Variants in POLI observed in about 807,000 individuals in gnomAD.
The protein encoded by POLI is DNA polymerase iota, also known as RAD30 homolog B.
POLI carries 58 observed loss-of-function variants against 51.6 expected under a neutral mutation model. That is an observed-to-expected ratio of 1.12 (90% confidence interval 0.91 to 1.40). POLI has a LOEUF of 1.40. Ranked by LOEUF, POLI falls within the 40% of genes most tolerant of loss-of-function variation. POLI has a pLI of 0.00. For synonymous variants in POLI, 322 were observed against 299.7 expected (o/e 1.07, Z -0.77); for missense variants, 921 against 871.3 (o/e 1.06, Z -0.72).
intron 3 of POLI, among the ~76,000 whole-genome samples, chr18:54,310,866 G>T (rs921421510): frequency 6.6e-6 from 1 of 152,022 alleles, no homozygotes; most frequent in African/African-American, 2.4e-5. Context: ...TGAGTTCTAG[G>T]TTTGGCCGCC....
chr18:54,312,679 A>AT (rs1377889794), intron 3 of POLI, among the ~76,000 whole-genome samples: 3 of 151,990 alleles, frequency 2.0e-5, no homozygotes, highest in Non-Finnish European at 4.4e-5. Context: ...TTTCATTGTG[A>AT]TTTTGGATTG....
chr18:54,278,197 C>A (rs1285605306), intron 4 of POLI, among the ~76,000 whole-genome samples: 1 of 152,086 alleles, frequency 6.6e-6, no homozygotes, highest in Non-Finnish European at 1.5e-5. Context: ...CACAGTGGAG[C>A]GCCCCTGTAG....
rs1248444313 is a variant in POLI at position 54,295,530 on chromosome 18, A to G, written c.*1063A>G. The G allele has an allele frequency of 1.1e-6, 1 of 884,346 alleles. No individual in the cohort carries two copies. Among genetic ancestry groups the G allele is most frequent in the Admixed American group, 6.2e-5 (1 of 16,142 alleles). 54.8% of individuals were successfully genotyped at this position (884,346 alleles called of 1,614,324 possible). A position where few individuals can be genotyped will look rare whatever the true frequency, so the allele number is the denominator to read the frequency against. ...CTGGTCTCAAGTTTATAATTTTTGC[A>G]CATATAATCTAAAGAAGAGACTTTA... On this transcript the variant is annotated 3_prime_UTR_variant, in exon 10 of 10. Transcript: ENST00000579534.
At chr18:54,315,114 C>G (rs1568161715) in intron 3 of POLI, among the ~76,000 whole-genome samples, 1 of 152,084 alleles carries the variant, frequency 6.6e-6, no homozygotes, top group African/African-American at 2.4e-5. Flanking sequence ...ATAAACTTTA[C>G]TCTTATGACA....
At chr18:54,316,648 G>A (rs926522258) in intron 3 of POLI, among the ~76,000 whole-genome samples, 1 of 152,146 alleles carries the variant, frequency 6.6e-6, no homozygotes, top group African/African-American at 2.4e-5. Flanking sequence ...CAAATATGTG[G>A]TATTTAGGCT....
intron 8 of POLI, chr18:54,287,624 G>A (rs1390945089): frequency 2.2e-5 from 8 of 369,152 alleles, no homozygotes; most frequent in African/African-American, 4.2e-5. Context: ...TCTGCACCAA[G>A]GCTGAAGTGC....
chr18:54,298,865 T>C (rs1425931046), downstream of POLI, among the ~76,000 whole-genome samples: 1 of 151,980 alleles, frequency 6.6e-6, no homozygotes, highest in Non-Finnish European at 1.5e-5. Flanking sequence ...GAGATACAGG[T>C]GTGAGTCACC....
chr18:54,305,723 C>T (rs989955284), intron 3 of POLI, among the ~76,000 whole-genome samples: 2 of 151,308 alleles, frequency 1.3e-5, no homozygotes, highest in Admixed American at 6.6e-5. Flanking sequence ...AATTTGACTT[C>T]CTCTTTTCCT....
chr18:54,317,199 G>T (rs1480623693), intron 3 of POLI, among the ~76,000 whole-genome samples: 2 of 152,186 alleles, frequency 1.3e-5, no homozygotes, highest in East Asian at 3.8e-4. Context: ...AGGCTAGGCT[G>T]CTAGTGGATG....
At chr18:54,274,894 TAACAGGAAAAATA>T (rs575834055) in intron 3 of POLI, 1 of 152,182 alleles carries the variant, frequency 6.6e-6, no homozygotes, top group African/African-American at 2.4e-5. Context: ...TCTTAGAAAT[TAACAGGAAAAATA>T]AACCTAATAA....
At chr18:54,319,085 A>T (rs2144655211) in intron 3 of POLI, among the ~76,000 whole-genome samples, 1 of 152,220 alleles carries the variant, frequency 6.6e-6, no homozygotes, top group East Asian at 1.9e-4. Context: ...GAACATTGGG[A>T]CAATGCCACC....
At chr18:54,289,894 A>G (rs1175745340) in intron 8 of POLI, among the ~76,000 whole-genome samples, 3 of 152,192 alleles carry the variant, frequency 2.0e-5, no homozygotes, top group Non-Finnish European at 2.9e-5. Flanking sequence ...AACCTAGGCA[A>G]TAGCATTTAG....
chr18:54,297,107 T>C lies in POLI; in HGVS notation c.*2640T>C, dbSNP rs1378626057. ...GTGGATCCTGATTGAATGCCTTGTC[T>C]TAAGTGTAAGCTCCCTGACCCTTAC... On this transcript the variant is annotated 3_prime_UTR_variant, in exon 10 of 10. Coordinates refer to ENST00000579534, the MANE Select transcript of POLI (RefSeq NM_007195.3). The C allele has an allele frequency of 1.0e-6, 1 of 985,276 alleles. No homozygotes were observed. Among genetic ancestry groups the C allele is most frequent in the African/African-American group, 1.7e-5 (1 of 57,232 alleles). The allele number at this position is 985,276 out of a possible 1,614,324, so 61.0% of individuals were successfully genotyped here.
chr18:54,269,940 G>A (rs1883695539), intron 1 of POLI: 2 of 1,187,984 alleles, frequency 1.7e-6, no homozygotes, highest in Admixed American at 4.6e-5. Context: ...AGGTGGGGCG[G>A]GAATCCCTCA....
intron 3 of POLI, among the ~76,000 whole-genome samples, chr18:54,306,753 C>T (rs925159262): frequency 5.3e-5 from 8 of 152,078 alleles, no homozygotes; most frequent in African/African-American, 1.4e-4. Flanking sequence ...AATTTCAGAG[C>T]CTGTTATTGG....
chr18:54,272,322 A>G (rs1184108185), intron 2 of POLI: 6 of 152,192 alleles, frequency 3.9e-5, no homozygotes, highest in Non-Finnish European at 8.8e-5. Flanking sequence ...TCCTGAAGGC[A>G]TTTCTGAGTA....
downstream of POLI, among the ~76,000 whole-genome samples, chr18:54,302,205 A>ATGTC (rs543899158): frequency 6.6e-6 from 1 of 152,146 alleles, no homozygotes; most frequent in African/African-American, 2.4e-5. Flanking sequence ...TAGATTATGA[A>ATGTC]TGTCTGTCTG....
At chr18:54,298,862 A>G (rs924291386), downstream of POLI, among the ~76,000 whole-genome samples, 3 of 152,050 alleles carry the variant, frequency 2.0e-5, no homozygotes, top group Non-Finnish European at 4.4e-5. Context: ...GCTGAGATAC[A>G]GGTGTGAGTC....
At chr18:54,318,520 A>G (rs1287625579) in intron 3 of POLI, among the ~76,000 whole-genome samples, 1 of 152,174 alleles carries the variant, frequency 6.6e-6, no homozygotes, top group Non-Finnish European at 1.5e-5. Context: ...TATTGCAAAG[A>G]TCTCATATTA....
Sources: allele counts gnomAD v4.1 joint callset (sites outside exome capture counted in the v4.1 genomes callset), GRCh38; gene constraint gnomAD v4.1.1; transcripts MANE v1.5; gene names NCBI Gene and HGNC (gene_info 2026-07-23, HGNC 2026-07-21).